Variants in RBFOX1 observed in about 807,000 individuals in gnomAD.
RBFOX1 encodes RNA binding fox-1 homolog 1.
RBFOX1 carries 8 observed loss-of-function variants against 57.7 expected under a neutral mutation model. The observed-to-expected ratio is 0.14, with a 90% confidence interval of 0.08 to 0.25. The LOEUF (loss-of-function observed/expected upper bound fraction) is 0.25. Ranked by LOEUF, RBFOX1 falls within the 10% of genes least tolerant of loss-of-function variation. The pLI, the probability that RBFOX1 is intolerant of heterozygous loss-of-function variation, is 1.00. For missense variants in RBFOX1, 611 were observed against 548.5 expected (o/e 1.11, Z -1.14); for synonymous variants, 326 against 222.4 (o/e 1.47, Z -4.15).
At chr16:6,827,261 A>T (rs1263495429) in intron 3 of RBFOX1, among the ~76,000 whole-genome samples, 1 of 151,764 alleles carries the variant, frequency 6.6e-6, no homozygotes, top group Admixed American at 6.6e-5. Flanking sequence ...TCTCTTCAAT[A>T]TGATCTGCAA....
intron 1 of RBFOX1, among the ~76,000 whole-genome samples, chr16:5,463,326 G>A (rs2068848531): frequency 6.6e-6 from 1 of 152,134 alleles, no homozygotes; most frequent in African/African-American, 2.4e-5. Context: ...GGCATGAAGT[G>A]CGTTGCTTTT....
intron 4 of RBFOX1, among the ~76,000 whole-genome samples, chr16:7,401,240 A>T (rs1290434052): frequency 1.3e-5 from 2 of 152,248 alleles, no homozygotes; most frequent in Non-Finnish European, 2.9e-5. Context: ...CTGTGAAAGA[A>T]GTCAAACTAC....
intron 1 of RBFOX1, among the ~76,000 whole-genome samples, chr16:6,184,732 T>C (rs200493505): frequency 0.29 from 43,622 of 151,510 alleles, 6,389 homozygotes; most frequent in Middle Eastern, 0.36. Flanking sequence ...GCTCATTTTT[T>C]TTTTTTTTGT....
chr16:7,496,748 A>G (rs1238816310), intron 4 of RBFOX1, among the ~76,000 whole-genome samples: 1 of 9,546 alleles, frequency 1.0e-4, no homozygotes, highest in African/African-American at 3.6e-4. Context: ...TACAGAACAG[A>G]AAAAAAAAAA....
intron 1 of RBFOX1, among the ~76,000 whole-genome samples, chr16:6,145,869 G>C (rs1274676339): frequency 2.0e-5 from 3 of 152,152 alleles, no homozygotes; most frequent in Non-Finnish European, 4.4e-5. Flanking sequence ...ATGTGGCCTT[G>C]ACAAGACTCT....
intron 1 of RBFOX1, among the ~76,000 whole-genome samples, chr16:6,048,171 T>C (rs965935400): frequency 3.3e-5 from 5 of 152,358 alleles, no homozygotes; most frequent in African/African-American, 1.2e-4. Context: ...GTAGGTATTA[T>C]GATCCTCATT....
intron 2 of RBFOX1, among the ~76,000 whole-genome samples, chr16:6,517,643 G>C (rs1324608886): frequency 6.6e-6 from 1 of 152,118 alleles, no homozygotes; most frequent in Non-Finnish European, 1.5e-5. Context: ...AACCCCTCGA[G>C]ATAGTACTTG....
chr16:6,732,364 C>A (rs1289741684), intron 3 of RBFOX1, among the ~76,000 whole-genome samples: 1 of 152,206 alleles, frequency 6.6e-6, no homozygotes, highest in African/African-American at 2.4e-5. Context: ...ACAGATGCAG[C>A]ATTCCTTGCT....
chr16:7,614,677 A>C (rs1272171901), intron 10 of RBFOX1: 7 of 152,176 alleles, frequency 4.6e-5, no homozygotes, highest in Non-Finnish European at 8.8e-5. Flanking sequence ...GACTCTGGAA[A>C]AATTTCACAG....
chr16:5,268,481 G>A (rs1467407344), intron 1 of RBFOX1, among the ~76,000 whole-genome samples: 2 of 152,222 alleles, frequency 1.3e-5, no homozygotes, highest in Non-Finnish European at 2.9e-5. Context: ...GATTATACGT[G>A]CAAATCCCCT....
In RBFOX1 at chr16:6,605,035, A is replaced by T. The variant is rs561015803; in HGVS notation, c.-63-49568A>T. On this transcript the variant is annotated intron_variant, in intron 2 of 15. Coordinates refer to ENST00000550418, the MANE Select transcript of RBFOX1 (RefSeq NM_018723.4). ...TATTTATAGTGTGTGCATATATATA[A>T]AAATATATAAACACATGCACAACGT... is the stretch of plus-strand genomic sequence containing the variant. Among the ~76,000 whole-genome samples the T allele has an allele frequency of 5.3e-5, 8 of 152,048 alleles. No individual in the cohort carries two copies. The East Asian group carries it at 1.5e-3, about 29-fold the overall frequency.
chr16:5,902,582 A>C (rs2058331368), intron 4 of RBFOX1, among the ~76,000 whole-genome samples: 1 of 151,694 alleles, frequency 6.6e-6, no homozygotes, highest in Admixed American at 6.6e-5. Context: ...TGGCCAGCTG[A>C]TGTTTTTATT....
chr16:7,633,449 G>C (rs1191093041), intron 11 of RBFOX1, among the ~76,000 whole-genome samples: 2 of 151,902 alleles, frequency 1.3e-5, no homozygotes, highest in African/African-American at 4.8e-5. Context: ...CCATAGTATT[G>C]TTTCATTATA....
chr16:6,642,528 C>CA (rs1317032462), intron 2 of RBFOX1, among the ~76,000 whole-genome samples: 1 of 151,880 alleles, frequency 6.6e-6, no homozygotes, highest in Non-Finnish European at 1.5e-5. Flanking sequence ...TACCCCACGC[C>CA]AGCTCTGCTT....
At chr16:5,707,310 T>TAATTTCTGCTTCTGC (rs2051287945) in intron 3 of RBFOX1, among the ~76,000 whole-genome samples, 2 of 152,202 alleles carry the variant, frequency 1.3e-5, no homozygotes, top group Non-Finnish European at 2.9e-5. Flanking sequence ...ATTGCTTCTG[T>TAATTTCTGCTTCTGC]AATTTCTGCT....
chr16:7,519,068 C>G (rs1191794542), intron 5 of RBFOX1, among the ~76,000 whole-genome samples: 1 of 152,104 alleles, frequency 6.6e-6, no homozygotes, highest in Non-Finnish European at 1.5e-5. Context: ...ATTTACATAC[C>G]TTAAAATTAG....
At chr16:5,445,169 G>T (rs1227092572) in intron 1 of RBFOX1, among the ~76,000 whole-genome samples, 1 of 152,196 alleles carries the variant, frequency 6.6e-6, no homozygotes, top group Admixed American at 6.5e-5. Context: ...ACTTTAAGCA[G>T]AGTGACTTGG....
chr16:7,149,563 G>T (rs554146256), intron 4 of RBFOX1, among the ~76,000 whole-genome samples: 1 of 143,816 alleles, frequency 7.0e-6, no homozygotes, highest in South Asian at 2.2e-4. Context: ...TCAGCTCAGT[G>T]CAACCTCCTC....
At chr16:6,326,167 G>A (rs1008727427) in intron 2 of RBFOX1, among the ~76,000 whole-genome samples, 17 of 152,274 alleles carry the variant, frequency 1.1e-4, no homozygotes, top group African/African-American at 4.1e-4. Flanking sequence ...CATTGATATG[G>A]AAGTCAACAT....
Sources: allele counts gnomAD v4.1 joint callset (sites outside exome capture counted in the v4.1 genomes callset), GRCh38; gene constraint gnomAD v4.1.1; transcripts MANE v1.5; gene names NCBI Gene and HGNC (gene_info 2026-07-23, HGNC 2026-07-21).